Variants in GRIK5 observed in about 807,000 individuals in gnomAD.
The protein encoded by GRIK5 is glutamate ionotropic receptor kainate type subunit 5, also known as glutamate receptor ionotropic, kainate 5.
Under a neutral mutation model 97.4 loss-of-function variants are expected in GRIK5, and 43 were observed. The ratio of observed to expected loss-of-function variants is 0.44; its 90% confidence interval spans 0.35 to 0.57. GRIK5 has a LOEUF of 0.57. Ranked by LOEUF, GRIK5 falls within the 20% of genes least tolerant of loss-of-function variation. The pLI, the probability that GRIK5 is intolerant of heterozygous loss-of-function variation, is 0.01. For missense variants in GRIK5, 1,015 were observed against 1,382.0 expected (o/e 0.73, Z 4.21); for synonymous variants, 580 against 583.5 (o/e 0.99, Z 0.09).
chr19:42,015,679 A>G (rs774213458), intron 15 of GRIK5, among the ~76,000 whole-genome samples: 6 of 151,982 alleles, frequency 3.9e-5, no homozygotes, highest in Non-Finnish European at 8.8e-5. Flanking sequence ...GTTTTCTCTC[A>G]TTGTCTTGGT....
chr19:42,013,705 C>G (rs1335561412), intron 15 of GRIK5, among the ~76,000 whole-genome samples: 1 of 152,014 alleles, frequency 6.6e-6, no homozygotes, highest in East Asian at 1.9e-4. Context: ...CCACCGCGCC[C>G]GGCCTAAAAG....
intron 12 of GRIK5, among the ~76,000 whole-genome samples, chr19:42,023,398 C>T (rs771266282): frequency 5.3e-5 from 8 of 152,130 alleles, no homozygotes; most frequent in Non-Finnish European, 8.8e-5. Flanking sequence ...TGTACACTTG[C>T]CACTTTTATG....
In GRIK5 at chr19:42,042,842, G is replaced by T; in HGVS notation, c.1270-87C>A. 1.1e-6 allele frequency: 1 copy of T among 941,264 alleles called. No homozygotes were observed. The highest frequency in any genetic ancestry group is 1.6e-6 in the Non-Finnish European group (1 of 612,460). The allele number at this position is 941,264 out of a possible 1,614,324, so 58.3% of individuals were successfully genotyped here. On this transcript the variant is annotated intron_variant, in intron 11 of 19. Transcript: ENST00000593562. The surrounding 1 kb of genome is among the most constrained non-coding windows in gnomAD (Gnocchi z 6.9). The stretch of plus-strand genomic sequence containing the variant: ...CTGGAGCCCGGACCAGGCAGGTAGA[G>T]CAGGAATCTGCTTGCTGAGCACGGT...
Position 42,049,557 on chromosome 19 carries a change from G to A in GRIK5, c.1269+4045C>T, listed in dbSNP as rs548410581. Among the ~76,000 whole-genome samples, 41 of 152,280 alleles carry A rather than the reference G, an allele frequency of 2.7e-4. No individual in the cohort carries two copies. In the South Asian group the frequency reaches 7.7e-3, roughly 28 times the overall value. ...CACAGTACGATGCCATTTATATGAG[G>A]TTCAAGGGCGGGCAAAGCTGATCTG... On this transcript the variant is annotated intron_variant, in intron 11 of 19. Coordinates refer to ENST00000593562, the MANE Select transcript of GRIK5 (RefSeq NM_002088.5).
chr19:42,012,897 CAT>C (rs1455764203), intron 15 of GRIK5, among the ~76,000 whole-genome samples: 6 of 151,038 alleles, frequency 4.0e-5, no homozygotes, highest in Admixed American at 3.3e-4. Flanking sequence ...TTTTATGACA[CAT>C]GACTTATATA....
rs946876089 is a variant in GRIK5, at chr19:42,062,237, C to T, written c.508+251G>A. Among the ~76,000 whole-genome samples the T allele has an allele frequency of 2.5e-4, 38 of 152,156 alleles. No homozygotes were observed. Among genetic ancestry groups the T allele is most frequent in the African/African-American group, 9.2e-4 (38 of 41,452 alleles). On this transcript the variant is annotated intron_variant, in intron 5 of 19. Coordinates refer to ENST00000593562, the MANE Select transcript of GRIK5 (RefSeq NM_002088.5). The surrounding 1 kb of genome is among the most constrained non-coding windows in gnomAD (Gnocchi z 5.3). ...CGGAGTTCCAAGCACCCAGGGACCA[C>T]GCCCAGGGCCTAGCAGAGGGCCTTG...
chr19:42,000,002 C>G (rs926199362), intron 19 of GRIK5, among the ~76,000 whole-genome samples: 5 of 152,122 alleles, frequency 3.3e-5, no homozygotes, highest in Non-Finnish European at 5.9e-5. Context: ...CGGGCAGGGC[C>G]GAAATGCCCA....
Position 42,003,206 on chromosome 19 carries a change from C to T in GRIK5, c.2514+126G>A. On this transcript the variant is annotated intron_variant, in intron 19 of 19. Coordinates refer to ENST00000593562, the MANE Select transcript of GRIK5 (RefSeq NM_002088.5). The surrounding 1 kb of genome is among the most constrained non-coding windows in gnomAD (Gnocchi z 4.2). Reference sequence around the variant, plus strand: ...AGCTCTCTTACTTCCCCACCTCCTGCATTCCTCTGCCCCCTTCTCGCGATC... The same window carrying T: ...AGCTCTCTTACTTCCCCACCTCCTGTATTCCTCTGCCCCCTTCTCGCGATC... The T allele has an allele frequency of 1.2e-6, 1 of 812,740 alleles. No individual in the cohort carries two copies. The highest frequency in any genetic ancestry group is 2.0e-6 in the Non-Finnish European group (1 of 503,628). 50.3% of individuals were successfully genotyped at this position (812,740 alleles called of 1,614,324 possible).
chr19:42,006,843 A>G lies in GRIK5; in HGVS notation c.1872-33T>C. ...GTGGGAGGGGTGAGTCACGGGCTGG[A>G]GTCACCCCTGCTGACCTGCCCCCGT... On this transcript the variant is annotated intron_variant, in intron 15 of 19. Coordinates refer to ENST00000593562, the MANE Select transcript of GRIK5 (RefSeq NM_002088.5). This position sits in a 1 kb window ranked among gnomAD's most constrained non-coding sequence, Gnocchi z 5.3. 6.5e-7 allele frequency: 1 copy of G among 1,542,054 alleles called. No individual in the cohort carries two copies. The highest frequency in any genetic ancestry group is 8.8e-7 in the Non-Finnish European group (1 of 1,140,752).
chr19:42,038,720 A>C (rs942970581), intron 12 of GRIK5, among the ~76,000 whole-genome samples: 1 of 152,264 alleles, frequency 6.6e-6, no homozygotes, highest in African/African-American at 2.4e-5. Context: ...AGTGATCCTC[A>C]GGCCATGAAG....
intron 10 of GRIK5, 38 bp from the exon 11 acceptor site, chr19:42,053,747 C>T (rs1455241385): frequency 1.3e-6 from 2 of 1,554,096 alleles, no homozygotes; most frequent in Non-Finnish European, 1.8e-6. Context: ...TCAGGCCCTG[C>T]CTGAGGTCAT....
At chr19:42,050,270 C>G (rs2076095925) in intron 11 of GRIK5, among the ~76,000 whole-genome samples, 1 of 152,028 alleles carries the variant, frequency 6.6e-6, no homozygotes, top group African/African-American at 2.4e-5. Context: ...AAGGAGGAAA[C>G]TGAGTATAGA....
intron 3 of GRIK5, among the ~76,000 whole-genome samples, chr19:42,063,867 T>A (rs932943696): frequency 6.6e-6 from 1 of 152,180 alleles, no homozygotes; most frequent in Non-Finnish European, 1.5e-5. Context: ...TTCTCTTTTT[T>A]CCTTAAACCA....
intron 15 of GRIK5, among the ~76,000 whole-genome samples, chr19:42,016,668 C>A (rs2075628062): frequency 6.6e-6 from 1 of 152,148 alleles, no homozygotes; most frequent in Non-Finnish European, 1.5e-5. Context: ...TCCCAGGGGG[C>A]TGGACACATG....
Position 42,065,952 on chromosome 19 carries a change from C to T in GRIK5, c.-50-132G>A, listed in dbSNP as rs532914617. The T allele has an allele frequency of 8.3e-5, 50 of 603,160 alleles. No individual in the cohort carries two copies. The East Asian group carries it at 1.4e-3, about 17-fold the overall frequency. The allele number at this position is 603,160 out of a possible 1,614,324, so 37.4% of individuals were successfully genotyped here. A position where few individuals can be genotyped will look rare whatever the true frequency, so the allele number is the denominator to read the frequency against. ...GCAAGCAGTTCACAGCTCTGCAGAG[C>T]CCTGCTCTGTTTAGAAGCTGGCAAT... On this transcript the variant is annotated intron_variant, in intron 1 of 19. Coordinates refer to ENST00000593562, the MANE Select transcript of GRIK5 (RefSeq NM_002088.5). This position sits in a 1 kb window ranked among gnomAD's most constrained non-coding sequence, Gnocchi z 5.8.
rs1231855109 is a variant in GRIK5 at position 41,999,189 on chromosome 19, C to T, written c.2625G>A (p.Leu875=). The T allele has an allele frequency of 1.3e-5, 19 of 1,515,518 alleles. No individual in the cohort carries two copies. In the African/African-American group the frequency reaches 2.3e-4, roughly 18 times the overall value. The allele number at this position is 1,515,518 out of a possible 1,614,324, so 93.9% of individuals were successfully genotyped here. The change falls in exon 20 of 20, where the codon CTG becomes CTA. Residue 875 remains leucine (L), a synonymous_variant. Transcript: ENST00000593562. The surrounding 1 kb of genome is among the most constrained non-coding windows in gnomAD (Gnocchi z 5.0). Reference sequence around the variant, plus strand: ...GCATCTCGCGGACCGCGCGCAGTGACAGCAGGGCCCGGCTCGGGCCGCCCG... The same window carrying T: ...GCATCTCGCGGACCGCGCGCAGTGATAGCAGGGCCCGGCTCGGGCCGCCCG... ...RRPGGPSRAL[L]SLRAVREMRL... is the part of the protein sequence containing the mutation.
chr19:42,056,814 T>C lies in GRIK5; in HGVS notation c.751A>G (p.Ile251Val). The stretch of plus-strand genomic sequence containing the variant: ...TCCACAATACCGTCCAGATGCAGGA[T>C]GGGGAAGTCCTGGGACCAGGAAGAG... ...KYILTTMDFP[I>V]LHLDGIVEDS... is the part of the protein sequence containing the mutation. The change falls in exon 8 of 20, where the codon ATC (isoleucine) becomes GTC (valine). Residue 251 changes from isoleucine to valine, a missense_variant. Around this residue, in one of 5 missense-constraint regions of GRIK5, gnomAD observed 477 missense variants for 701.1 expected, o/e 0.68. Coordinates refer to ENST00000593562, the MANE Select transcript of GRIK5 (RefSeq NM_002088.5). The C allele has an allele frequency of 1.9e-6, 3 of 1,613,680 alleles. No individual in the cohort carries two copies. Among genetic ancestry groups the C allele is most frequent in the South Asian group, 1.1e-5 (1 of 91,044 alleles).
intron 19 of GRIK5, among the ~76,000 whole-genome samples, chr19:42,001,280 G>A (rs1319664465): frequency 9.9e-5 from 15 of 152,144 alleles, no homozygotes; most frequent in Admixed American, 8.5e-4. Flanking sequence ...CCAGGCTGGA[G>A]GGCAGTGGTG....
chr19:42,024,358 G>C (rs368569257), intron 12 of GRIK5, among the ~76,000 whole-genome samples: 3 of 152,102 alleles, frequency 2.0e-5, no homozygotes, highest in African/African-American at 7.2e-5. Context: ...GATTACAGGG[G>C]CATGCCACCA....
Sources: allele counts gnomAD v4.1 joint callset (sites outside exome capture counted in the v4.1 genomes callset), GRCh38; gene constraint gnomAD v4.1.1; regional missense constraint gnomAD v4.1.1; non-coding constraint Gnocchi (gnomAD v3.1); transcripts MANE v1.5; gene names NCBI Gene and HGNC (gene_info 2026-07-23, HGNC 2026-07-21).